NUCB2: variants seen among roughly 807,000 people sequenced by gnomAD.
NUCB2 encodes the protein nucleobindin 2.
Under a neutral mutation model 57.9 loss-of-function variants are expected in NUCB2, and 48 were observed. The observed-to-expected ratio is 0.83, with a 90% CI of 0.66 to 1.05. NUCB2 has a LOEUF of 1.05. NUCB2 is among the 50% of genes least tolerant of loss of function. NUCB2 has a pLI of 0.00. For synonymous variants in NUCB2, 139 were observed against 152.1 expected (o/e 0.91, Z 0.64); for missense variants, 442 against 476.2 (o/e 0.93, Z 0.67).
chr11:17,313,359 G>C (rs2138995425), intron 10 of NUCB2, among the ~76,000 whole-genome samples: 1 of 151,974 alleles, frequency 6.6e-6, no homozygotes, highest in South Asian at 2.1e-4. Context: ...GTGAAACCCT[G>C]TGTCTACTAA....
chr11:17,285,463 G>GCTA (rs1244549270), intron 2 of NUCB2, among the ~76,000 whole-genome samples: 17 of 152,106 alleles, frequency 1.1e-4, no homozygotes, highest in African/African-American at 3.9e-4. Flanking sequence ...TGTAGTCCCA[G>GCTA]CTACTTAGGA....
intron 2 of NUCB2, among the ~76,000 whole-genome samples, chr11:17,345,090 A>G (rs1952608575): frequency 6.6e-6 from 1 of 152,228 alleles, no homozygotes; most frequent in Non-Finnish European, 1.5e-5. Context: ...TAATAGAAAT[A>G]TCTTATTTTT....
At chr11:17,333,769 T>C (rs907537809), downstream of NUCB2, 5 of 152,344 alleles carry the variant, frequency 3.3e-5, no homozygotes, top group East Asian at 3.9e-4. Context: ...CCTTTACTTA[T>C]AAATGTTTCA....
intron 5 of NUCB2, among the ~76,000 whole-genome samples, chr11:17,305,696 A>G (rs1413355962): frequency 6.6e-6 from 1 of 151,934 alleles, no homozygotes; most frequent in Non-Finnish European, 1.5e-5. Flanking sequence ...ATCATAGCTC[A>G]TTGCAGCCTC....
intron 4 of NUCB2, 89 bp from the exon 5 acceptor site, chr11:17,301,655 T>A: frequency 1.2e-6 from 1 of 812,672 alleles, no homozygotes. Flanking sequence ...TATTTATCAC[T>A]AATGTATTGT....
chr11:17,310,930 G>A lies in NUCB2; in HGVS notation c.589G>A (p.Glu197Lys). 1 of 1,591,608 alleles carries A rather than the reference G, an allele frequency of 6.3e-7. No individual in the cohort carries two copies. Among genetic ancestry groups the A allele is most frequent in the Non-Finnish European group, 8.5e-7 (1 of 1,172,252 alleles). ...GAGAGAATATTTAAAAACATTGAATGAAGAAAAGAGAAAAGAAGAAGAGTC... is the reference window on the plus strand; with the variant it reads ...GAGAGAATATTTAAAAACATTGAATAAAGAAAAGAGAAAAGAAGAAGAGTC... ...ERREYLKTLN[E>K]EKRKEEESKF... The change falls in exon 7 of 14, where the codon GAA becomes AAA. Residue 197 changes from glutamate to lysine, a missense_variant. Transcript: ENST00000529010.
chr11:17,282,236 C>CTATATATATATATA (rs71457870), intron 1 of NUCB2, among the ~76,000 whole-genome samples: 1 of 104,086 alleles, frequency 9.6e-6, no homozygotes, highest in Non-Finnish European at 2.1e-5. Context: ...ATCTATCTAT[C>CTATATATATATATA]TATATATATA....
intron 6 of NUCB2, among the ~76,000 whole-genome samples, chr11:17,310,410 G>A (rs975546510): frequency 5.9e-5 from 9 of 152,162 alleles, no homozygotes; most frequent in South Asian, 2.1e-4. Context: ...GCCAAGGAGG[G>A]TGGATCACCC....
chr11:17,279,294 C>A (rs933812417), intron 1 of NUCB2, among the ~76,000 whole-genome samples: 2 of 152,154 alleles, frequency 1.3e-5, no homozygotes, highest in African/African-American at 4.8e-5. Context: ...TTTTTTACAA[C>A]CATGATGTGG....
At chr11:17,320,261 A>G (rs1226263859) in intron 11 of NUCB2, among the ~76,000 whole-genome samples, 1 of 152,152 alleles carries the variant, frequency 6.6e-6, no homozygotes, top group Non-Finnish European at 1.5e-5. Flanking sequence ...TGCAAAACCT[A>G]ACTCCCTTTT....
At chr11:17,307,650 C>G (rs1002398305) in intron 5 of NUCB2, among the ~76,000 whole-genome samples, 1 of 152,010 alleles carries the variant, frequency 6.6e-6, no homozygotes, top group African/African-American at 2.4e-5. Flanking sequence ...GCATAGAACT[C>G]CATTATATGG....
chr11:17,300,842 A>ATT (rs1946583986), intron 4 of NUCB2, among the ~76,000 whole-genome samples: 1 of 151,566 alleles, frequency 6.6e-6, no homozygotes, highest in Non-Finnish European at 1.5e-5. Context: ...GAACTGCCAA[A>ATT]CTGTTTTCTG....
intron 11 of NUCB2, among the ~76,000 whole-genome samples, chr11:17,323,720 G>C (rs918651065): frequency 1.3e-5 from 2 of 152,090 alleles, no homozygotes; most frequent in African/African-American, 4.8e-5. Flanking sequence ...TTTGCTGGGT[G>C]ACTTTTTTTT....
chr11:17,291,357 G>A, intron 2 of NUCB2: 1 of 176,354 alleles, frequency 5.7e-6, no homozygotes, highest in Non-Finnish European at 1.3e-5. Context: ...GACCAGCCTG[G>A]CCAACATGGT....
At chr11:17,311,458 T>C (rs1012212994) in intron 8 of NUCB2, among the ~76,000 whole-genome samples, 175 bp downstream of exon 8, 2 of 152,214 alleles carry the variant, frequency 1.3e-5, no homozygotes, top group African/African-American at 4.8e-5. Context: ...TAAAATGTTT[T>C]AGATTAGTAG....
intron 2 of NUCB2, among the ~76,000 whole-genome samples, chr11:17,290,747 G>C (rs1358263549): frequency 6.6e-6 from 1 of 151,988 alleles, no homozygotes; most frequent in East Asian, 1.9e-4. Context: ...TGTAGAACAA[G>C]CAAACAAAAA....
chr11:17,303,083 G>A (rs150220981), intron 5 of NUCB2, among the ~76,000 whole-genome samples: 5 of 152,064 alleles, frequency 3.3e-5, no homozygotes, highest in African/African-American at 4.8e-5. Context: ...GTCTTGCTGT[G>A]TTGCCCAGGC....
At chr11:17,303,884 CA>C (rs1237614290) in intron 5 of NUCB2, among the ~76,000 whole-genome samples, 1,481 of 54,640 alleles carry the variant, frequency 0.027, 14 homozygotes, top group African/African-American at 0.085. Context: ...GACTCCATCT[CA>C]AAAAAAAAAA....
rs779469232 is a variant in NUCB2 at position 17,309,650 on chromosome 11, C to T, written c.458C>T (p.Thr153Ile). ...NHLNPDKFESTDLDMLIKAAT... is the reference protein window; with the variant it reads ...NHLNPDKFESIDLDMLIKAAT... ...CTGAATCCTGACAAGTTTGAATCCACAGATTTAGATATGCTAATCAAAGCG... is the reference window on the plus strand; with the variant it reads ...CTGAATCCTGACAAGTTTGAATCCATAGATTTAGATATGCTAATCAAAGCG... The change falls in exon 6 of 14, where the codon ACA becomes ATA. Residue 153 changes from threonine to isoleucine, a missense_variant. Transcript: ENST00000529010. The T allele has an allele frequency of 1.9e-6, 3 of 1,605,172 alleles. No homozygotes were observed. The highest frequency in any genetic ancestry group is 3.4e-5 in the Admixed American group (2 of 58,130).
Sources: allele counts gnomAD v4.1 joint callset (sites outside exome capture counted in the v4.1 genomes callset), GRCh38; gene constraint gnomAD v4.1.1; transcripts MANE v1.5; gene names NCBI Gene and HGNC (gene_info 2026-07-23, HGNC 2026-07-21).